Variants in DYM observed in about 807,000 individuals in gnomAD.
The protein encoded by DYM is dymeclin.
A neutral mutation model predicts 93.1 loss-of-function variants in DYM; 78 were observed. That is an observed-to-expected ratio of 0.84 (90% CI 0.70 to 1.01). The LOEUF (loss-of-function observed/expected upper bound fraction) is 1.01. Ranked by LOEUF, DYM falls within the 50% of genes least tolerant of loss-of-function variation. DYM has a pLI of 0.00. For missense variants in DYM, 789 were observed against 845.0 expected (o/e 0.93, Z 0.82); for synonymous variants, 321 against 319.7 (o/e 1.00, Z -0.04).
intron 2 of DYM, among the ~76,000 whole-genome samples, chr18:49,420,225 T>C (rs926349141): frequency 6.1e-5 from 9 of 147,152 alleles, no homozygotes; most frequent in African/African-American, 2.2e-4. Context: ...TGGAGTGCAA[T>C]GGCGCGATCT....
chr18:49,239,454 G>A (rs929660839), intron 13 of DYM, among the ~76,000 whole-genome samples: 1 of 152,176 alleles, frequency 6.6e-6, no homozygotes, highest in Admixed American at 6.5e-5. Context: ...CAGCACTTAT[G>A]CCCTTCTGTG....
chr18:49,228,208 T>G (rs1011437446), intron 13 of DYM, among the ~76,000 whole-genome samples: 3 of 152,184 alleles, frequency 2.0e-5, no homozygotes, highest in Non-Finnish European at 4.4e-5. Flanking sequence ...ATGTTCCATA[T>G]TCAATGATCC....
chr18:49,396,425 T>A (rs2070098623), intron 2 of DYM, among the ~76,000 whole-genome samples: 1 of 152,164 alleles, frequency 6.6e-6, no homozygotes, highest in South Asian at 2.1e-4. Flanking sequence ...TTTTGAAATA[T>A]TTGCATTATA....
chr18:49,138,216 T>C (rs1459348671), intron 15 of DYM, among the ~76,000 whole-genome samples: 2 of 152,152 alleles, frequency 1.3e-5, no homozygotes, highest in African/African-American at 2.4e-5. Flanking sequence ...ACAAGACAAA[T>C]AAAAGAATGA....
intron 13 of DYM, among the ~76,000 whole-genome samples, chr18:49,242,575 T>C (rs2094043631): frequency 6.6e-6 from 1 of 152,250 alleles, no homozygotes. Flanking sequence ...TGTATTTTAA[T>C]ACATGGTTTA....
At chr18:49,293,428 T>C (rs1348243375) in intron 8 of DYM, among the ~76,000 whole-genome samples, 1 of 152,234 alleles carries the variant, frequency 6.6e-6, no homozygotes, top group African/African-American at 2.4e-5. Context: ...GCTGAACTAA[T>C]TTACACTCCC....
chr18:49,428,307 A>G (rs1477624270), intron 2 of DYM, among the ~76,000 whole-genome samples: 1 of 152,068 alleles, frequency 6.6e-6, no homozygotes, highest in Non-Finnish European at 1.5e-5. Flanking sequence ...AGAAAAAAAA[A>G]GAAAGAAGCC....
chr18:49,385,625 G>A (rs980826631), intron 3 of DYM, among the ~76,000 whole-genome samples: 1 of 152,042 alleles, frequency 6.6e-6, no homozygotes, highest in African/African-American at 2.4e-5. Flanking sequence ...AACCCAGGAG[G>A]TGGAGGTTGC....
rs572895455 is a variant in DYM at position 49,238,255 on chromosome 18, ATTAGAC to A, written c.1460+18749_1460+18754del. On this transcript the variant is annotated intron_variant, in intron 13 of 17. Coordinates refer to ENST00000675505, the MANE Select transcript of DYM (RefSeq NM_001353214.3). ...TGAAGTTTTAAACTGCAATTTTCTT[ATTAGAC>A]TTAAACTGTGCATTTTAAGCTATAT... 4.4e-3 allele frequency among the ~76,000 whole-genome samples: 668 copies of A among 152,264 alleles called. 4 individuals carry two copies. Among genetic ancestry groups the A allele is most frequent in the African/African-American group, 0.015 (634 of 41,546 alleles).
intron 15 of DYM, among the ~76,000 whole-genome samples, chr18:49,148,065 C>T (rs1244582501): frequency 6.6e-6 from 1 of 152,096 alleles, no homozygotes; most frequent in Non-Finnish European, 1.5e-5. Context: ...AAGCTGGAAA[C>T]CATCATTCTC....
chr18:49,454,807 C>G (rs2082836448), intron 1 of DYM, among the ~76,000 whole-genome samples: 1 of 149,566 alleles, frequency 6.7e-6, no homozygotes, highest in South Asian at 2.1e-4. Flanking sequence ...ACTCAGGAGG[C>G]TGAGGCAGGA....
intron 2 of DYM, among the ~76,000 whole-genome samples, chr18:49,419,519 T>C (rs1195110492): frequency 6.6e-6 from 1 of 152,222 alleles, no homozygotes; most frequent in African/African-American, 2.4e-5. Flanking sequence ...AAGAAGTTCA[T>C]CTTTTTCCCC....
intron 17 of DYM, among the ~76,000 whole-genome samples, chr18:49,075,114 G>A (rs2077195043): frequency 6.6e-6 from 1 of 152,196 alleles, no homozygotes; most frequent in South Asian, 2.1e-4. Context: ...TTGCTGAACA[G>A]AGACGAACAG....
At chr18:49,327,626 G>A (rs1007759513) in intron 8 of DYM, among the ~76,000 whole-genome samples, 2 of 151,904 alleles carry the variant, frequency 1.3e-5, no homozygotes, top group African/African-American at 2.4e-5. Flanking sequence ...CAAAGCACTG[G>A]GATTACGGAC....
intron 17 of DYM, among the ~76,000 whole-genome samples, chr18:49,062,099 G>C (rs1273713908): frequency 6.6e-6 from 1 of 152,170 alleles, no homozygotes; most frequent in Non-Finnish European, 1.5e-5. Context: ...TCATAGCCCA[G>C]ATTAAGCAAG....
At chr18:49,409,283 C>CAA (rs200898948) in intron 2 of DYM, among the ~76,000 whole-genome samples, 24 of 63,320 alleles carry the variant, frequency 3.8e-4, no homozygotes, top group African/African-American at 9.5e-4. Context: ...GACTCTGTCT[C>CAA]AAAAAAAAAA....
At chr18:49,424,493 G>C (rs901465453) in intron 2 of DYM, among the ~76,000 whole-genome samples, 5 of 152,004 alleles carry the variant, frequency 3.3e-5, no homozygotes, top group Admixed American at 6.6e-5. Context: ...GCACAGGACA[G>C]GGATGCCTTC....
At chr18:49,046,730 T>A (rs1026757469) in intron 17 of DYM, among the ~76,000 whole-genome samples, 2 of 152,074 alleles carry the variant, frequency 1.3e-5, no homozygotes, top group Admixed American at 1.3e-4. Context: ...CAAGACCCTA[T>A]CTTTACAAAA....
intron 2 of DYM, among the ~76,000 whole-genome samples, chr18:49,427,617 A>G (rs2074412172): frequency 6.6e-6 from 1 of 152,188 alleles, no homozygotes; most frequent in Non-Finnish European, 1.5e-5. Context: ...TACTTAAAAA[A>G]CAATAATGAA....
Sources: gnomAD v4.1 joint callset for allele counts (sites outside exome capture counted in the v4.1 genomes callset) on GRCh38, gnomAD v4.1.1 for gene constraint, MANE v1.5 for transcripts, NCBI Gene and HGNC (gene_info 2026-07-23, HGNC 2026-07-21) for gene names.